Variants in DLG4 observed in about 807,000 individuals in gnomAD.
The protein encoded by DLG4 is disks large homolog 4.
Under a neutral mutation model 93.8 loss-of-function variants are expected in DLG4, and 7 were observed. The observed-to-expected ratio is 0.07, with a 90% confidence interval of 0.04 to 0.14. The LOEUF (loss-of-function observed/expected upper bound fraction) is 0.14. Among genes scored for constraint, DLG4 ranks in the 10% least tolerant of loss-of-function variants. DLG4 has a pLI of 1.00. For missense variants in DLG4, 545 were observed against 992.9 expected, an observed-to-expected ratio of 0.55 and a Z score of 6.06; for synonymous variants, 341 against 387.6, an observed-to-expected ratio of 0.88 and a Z score of 1.41.
chr17:7,207,166 AGG>A (rs1288140805), intron 2 of DLG4, among the ~76,000 whole-genome samples: 1 of 151,548 alleles, frequency 6.6e-6, no homozygotes, highest in Middle Eastern at 3.2e-3. Context: ...AGGATGAGAG[AGG>A]GGAGGAGGAA....
intron 1 of DLG4, among the ~76,000 whole-genome samples, chr17:7,212,855 A>G (rs1169453004): frequency 2.0e-5 from 3 of 152,036 alleles, no homozygotes; most frequent in Non-Finnish European, 4.4e-5. Context: ...CAAGATGGTG[A>G]AACCCCATCT....
At position 7,193,262 on chromosome 17, in the gene DLG4, A is replaced by G; in HGVS notation, c.1694-145T>C. ...AGGGAGACCAAGACTGCAGAGGGCC[A>G]GAACCGCTTCCCCTAGCACCCTCCA... On this transcript the variant is annotated intron_variant, in intron 16 of 19. Transcript: ENST00000399506. The surrounding 1 kb of genome is among the most constrained non-coding windows in gnomAD (Gnocchi z 6.7). 1 of 1,281,968 alleles carries G rather than the reference A, an allele frequency of 7.8e-7. No individual in the cohort carries two copies. The highest frequency in any genetic ancestry group is 1.4e-5 in the South Asian group (1 of 73,922). 79.4% of individuals were successfully genotyped at this position (1,281,968 alleles called of 1,614,324 possible). A position where few individuals can be genotyped will look rare whatever the true frequency, so the allele number is the denominator to read the frequency against.
upstream of DLG4, chr17:7,219,898 T>A (rs746658509): frequency 5.9e-6 from 7 of 1,193,720 alleles, no homozygotes; most frequent in South Asian, 8.3e-5. Flanking sequence ...GGACGATGAG[T>A]CAGGGTTAGG....
In DLG4 at chr17:7,193,408, A is replaced by G. The variant is rs2069602987; in HGVS notation, c.1693+75T>C. 1 of 1,397,710 alleles carries G rather than the reference A, an allele frequency of 7.2e-7. No homozygotes were observed. The highest frequency in any genetic ancestry group is 1.5e-5 in the South Asian group (1 of 66,104). 86.6% of individuals were successfully genotyped at this position (1,397,710 alleles called of 1,614,324 possible). A position where few individuals can be genotyped will look rare whatever the true frequency, so the allele number is the denominator to read the frequency against. On this transcript the variant is annotated intron_variant, in intron 16 of 19. Transcript: ENST00000399506. The surrounding 1 kb of genome is among the most constrained non-coding windows in gnomAD (Gnocchi z 6.7). Reference sequence around the variant, plus strand: ...ACCGATCCCCCAGGAGGCTCTGCCTATGGCCCCAGGGATGGGCCTCCCCTG... The same window carrying G: ...ACCGATCCCCCAGGAGGCTCTGCCTGTGGCCCCAGGGATGGGCCTCCCCTG...
chr17:7,217,928 T>A, upstream of DLG4: 1 of 1,075,756 alleles, frequency 9.3e-7, no homozygotes, highest in Non-Finnish European at 1.4e-6. Flanking sequence ...GGGTCGGGTG[T>A]GAGGGAGGAG....
intron 1 of DLG4, among the ~76,000 whole-genome samples, chr17:7,215,017 T>G (rs1197606367): frequency 6.6e-6 from 1 of 152,080 alleles, no homozygotes; most frequent in African/African-American, 2.4e-5. Flanking sequence ...CATCCAGCAT[T>G]TGGGGAAGCA....
At chr17:7,211,055 G>T (rs1440844107) in intron 1 of DLG4, among the ~76,000 whole-genome samples, 1 of 143,672 alleles carries the variant, frequency 7.0e-6, no homozygotes, top group African/African-American at 2.6e-5. Context: ...GCTGGAAGAG[G>T]TTAGGGACTA....
intron 1 of DLG4, among the ~76,000 whole-genome samples, chr17:7,215,128 C>G (rs935740197): frequency 1.3e-5 from 2 of 152,208 alleles, no homozygotes; most frequent in African/African-American, 4.8e-5. Context: ...GGCAGCAACC[C>G]TCTAACATTG....
Position 7,196,145 on chromosome 17 carries a change from G to T in DLG4, c.1301+75C>A. 1.7e-6 allele frequency: 2 copies of T among 1,150,648 alleles called. No homozygotes were observed. The highest frequency in any genetic ancestry group is 1.3e-6 in the Non-Finnish European group (1 of 799,180). The allele number at this position is 1,150,648 out of a possible 1,614,324, so 71.3% of individuals were successfully genotyped here. ...GCAGGCAGGGTGGAGAAGAGGAGCGGCTGAGGCCCGGGCCAGGCACAGAGT... is the reference window on the plus strand; with the variant it reads ...GCAGGCAGGGTGGAGAAGAGGAGCGTCTGAGGCCCGGGCCAGGCACAGAGT... On this transcript the variant is annotated intron_variant, in intron 11 of 19. Coordinates refer to ENST00000399506, the MANE Select transcript of DLG4 (RefSeq NM_001321075.3). This position sits in a 1 kb window ranked among gnomAD's most constrained non-coding sequence, Gnocchi z 8.3.
At position 7,208,149 on chromosome 17, in the gene DLG4, C is replaced by A. The variant is rs752483333; in HGVS notation, c.96+25G>T. 3 of 1,318,650 alleles carry A rather than the reference C, an allele frequency of 2.3e-6. No homozygotes were observed. The highest frequency in any genetic ancestry group is 3.0e-5 in the Admixed American group (1 of 32,812). The allele number at this position is 1,318,650 out of a possible 1,614,324, so 81.7% of individuals were successfully genotyped here. A position where few individuals can be genotyped will look rare whatever the true frequency, so the allele number is the denominator to read the frequency against. On this transcript the variant is annotated intron_variant, in intron 2 of 19. Coordinates refer to ENST00000399506, the MANE Select transcript of DLG4 (RefSeq NM_001321075.3). This position sits in a 1 kb window ranked among gnomAD's most constrained non-coding sequence, Gnocchi z 5.4. ...AGGTGGGACAAGTTCCTCTCCGCCA[C>A]GTGCACCAGCTCGGGGGCGTTTACC... is the stretch of plus-strand genomic sequence containing the variant.
rs41283397 is a variant in DLG4 at position 7,203,153 on chromosome 17, C to A, written c.642+40G>T. 2.4e-3 allele frequency: 3,727 copies of A among 1,571,664 alleles called. 7 individuals are homozygous for A. The highest frequency in any genetic ancestry group is 3.0e-3 in the Non-Finnish European group (3,419 of 1,150,850). ...GCCTGCCAGGGCTAGTAGGTGAGAC[C>A]CAAATCTGGGCTAGAAAATGGGCTA... On this transcript the variant is annotated intron_variant, in intron 7 of 19. Coordinates refer to ENST00000399506, the MANE Select transcript of DLG4 (RefSeq NM_001321075.3). This position sits in a 1 kb window ranked among gnomAD's most constrained non-coding sequence, Gnocchi z 7.2.
In DLG4 at chr17:7,193,742, G is replaced by A. The variant is rs1567527663; in HGVS notation, c.1544-28C>T. 6.2e-7 allele frequency: 1 copy of A among 1,604,884 alleles called. No individual in the cohort carries two copies. The highest frequency in any genetic ancestry group is 8.5e-7 in the Non-Finnish European group (1 of 1,174,868). On this transcript the variant is annotated intron_variant, in intron 14 of 19. Transcript: ENST00000399506. The surrounding 1 kb of genome is among the most constrained non-coding windows in gnomAD (Gnocchi z 6.7). Reference sequence around the variant, plus strand: ...GGTGGGAGGTGGGGCATCTGCAAGGGGCTCTGAAACAGGGGACCTGGAGCC... The same window carrying A: ...GGTGGGAGGTGGGGCATCTGCAAGGAGCTCTGAAACAGGGGACCTGGAGCC...
intron 8 of DLG4, among the ~76,000 whole-genome samples, chr17:7,201,684 C>A (rs1485460718): frequency 6.6e-6 from 1 of 152,040 alleles, no homozygotes; most frequent in Non-Finnish European, 1.5e-5. Flanking sequence ...CATTCGAGAC[C>A]AGCCTGGCCA....
intron 2 of DLG4, chr17:7,204,493 CG>C: frequency 4.5e-6 from 2 of 443,632 alleles, no homozygotes; most frequent in Non-Finnish European, 7.9e-6. Context: ...CTGCCCAGCC[CG>C]GGGCCCCCTG....
chr17:7,217,588 A>T lies in DLG4; in HGVS notation c.-441T>A. On this transcript the variant is annotated 5_prime_UTR_variant, in exon 1 of 20. Coordinates refer to ENST00000399506, the MANE Select transcript of DLG4 (RefSeq NM_001321075.3). The stretch of plus-strand genomic sequence containing the variant: ...GGGGGGTTGGAAACGGCAGCGGCCG[A>T]GGGAGCCGTGGAGCCGAAGAGGGAA... 3 of 1,280,308 alleles carry T rather than the reference A, an allele frequency of 2.3e-6. No individual in the cohort carries two copies. The highest frequency in any genetic ancestry group is 3.0e-6 in the Non-Finnish European group (3 of 999,088). 79.3% of individuals were successfully genotyped at this position (1,280,308 alleles called of 1,614,324 possible). A position where few individuals can be genotyped will look rare whatever the true frequency, so the allele number is the denominator to read the frequency against.
Position 7,187,314 on chromosome 17 carries a change from G to A in DLG4, c.*3394C>T, listed in dbSNP as rs867197785. ...TAGCACTTTGGGAGGCCGAGGGGGG[G>A]GGGGGTGGATCACCCGAGGTCAGGA... On this transcript the variant is annotated 3_prime_UTR_variant, in exon 20 of 20. Coordinates refer to ENST00000399506, the MANE Select transcript of DLG4 (RefSeq NM_001321075.3). Among the ~76,000 whole-genome samples the A allele has an allele frequency of 2.6e-5, 3 of 116,180 alleles. 1 individual carries two copies. The highest frequency in any genetic ancestry group is 1.7e-4 in the Admixed American group (2 of 11,526). The allele number at this position is 116,180 out of a possible 152,430, so 76.2% of individuals were successfully genotyped here.
At chr17:7,211,828 G>GT (rs2070724378) in intron 1 of DLG4, 1 of 85,680 alleles carries the variant, frequency 1.2e-5, no homozygotes, top group South Asian at 5.6e-4. Flanking sequence ...CGGCGGGGGG[G>GT]GGGGGGGGGT....
At chr17:7,209,508 G>T (rs1392525240) in intron 1 of DLG4, among the ~76,000 whole-genome samples, 4 of 152,220 alleles carry the variant, frequency 2.6e-5, no homozygotes, top group South Asian at 4.1e-4. Flanking sequence ...AGAAGGCACG[G>T]CAATCCCAGC....
chr17:7,197,135 G>A, intron 8 of DLG4, 83 bp from the exon 9 acceptor site: 1 of 1,360,984 alleles, frequency 7.3e-7, no homozygotes, highest in Non-Finnish European at 9.9e-7. Context: ...TGCCAGAAGA[G>A]CCAAAGTTAG....
Sources: gnomAD v4.1 joint callset for allele counts (sites outside exome capture counted in the v4.1 genomes callset) on GRCh38, gnomAD v4.1.1 for gene constraint, Gnocchi (gnomAD v3.1) non-coding constraint, MANE v1.5 for transcripts, NCBI Gene and HGNC (gene_info 2026-07-23, HGNC 2026-07-21) for gene names.